The following SPRED1 variants were observed in gnomAD, a reference collection of about 807,000 sequenced individuals.
SPRED1 encodes sprouty related EVH1 domain containing 1.
A neutral mutation model predicts 52.3 loss-of-function variants in SPRED1; 18 were observed. The ratio of observed to expected loss-of-function variants is 0.34; its 90% CI spans 0.24 to 0.51. The LOEUF is 0.51. Ranked by LOEUF, SPRED1 falls within the 20% of genes least tolerant of loss-of-function variation. SPRED1 has a pLI of 0.97. For missense variants in SPRED1, 485 were observed against 551.0 expected (o/e 0.88, Z 1.20); for synonymous variants, 155 against 179.7 (o/e 0.86, Z 1.10).
chr15:38,253,435 T>C (rs1894025025), intron 1 of SPRED1, among the ~76,000 whole-genome samples: 2 of 152,016 alleles, frequency 1.3e-5, no homozygotes. Context: ...GGGGATTAAG[T>C]GTTGGGAGAG....
At chr15:38,270,492 G>A (rs946526298) in intron 1 of SPRED1, among the ~76,000 whole-genome samples, 9 of 152,208 alleles carry the variant, frequency 5.9e-5, no homozygotes, top group Admixed American at 2.0e-4. Context: ...CAGTTCTGTA[G>A]GCTATACAGG....
chr15:38,314,845 T>C (rs1024144880), intron 2 of SPRED1, among the ~76,000 whole-genome samples: 1 of 151,892 alleles, frequency 6.6e-6, no homozygotes, highest in African/African-American at 2.4e-5. Context: ...CTCTCCTCCT[T>C]TATTCCTTTT....
intron 1 of SPRED1, among the ~76,000 whole-genome samples, chr15:38,291,544 G>C (rs1894924353): frequency 6.6e-6 from 1 of 152,254 alleles, no homozygotes. Flanking sequence ...AAGCACTTTT[G>C]CCTGGGCATC....
chr15:38,351,909 C>A lies in SPRED1; in HGVS notation c.*245C>A. 1 of 577,106 alleles carries A rather than the reference C, an allele frequency of 1.7e-6. No homozygotes were observed. The highest frequency in any genetic ancestry group is 2.1e-5 in the South Asian group (1 of 47,748). The allele number at this position is 577,106 out of a possible 1,614,324, so 35.7% of individuals were successfully genotyped here. ...AAGGAAACCATTTCTGGTTATTTGG[C>A]TATAAAAAGTCAGCATAAAATATGA... is the stretch of plus-strand genomic sequence containing the variant. On this transcript the variant is annotated 3_prime_UTR_variant, in exon 7 of 7. Transcript: ENST00000299084.
At chr15:38,340,839 C>G (rs1016502729) in intron 5 of SPRED1, among the ~76,000 whole-genome samples, 5 of 152,070 alleles carry the variant, frequency 3.3e-5, no homozygotes, top group African/African-American at 1.2e-4. Flanking sequence ...CCCTTTCTTA[C>G]AATGTTTTTA....
chr15:38,273,553 A>G (rs1010561747), intron 1 of SPRED1, among the ~76,000 whole-genome samples: 4 of 82,476 alleles, frequency 4.8e-5, no homozygotes, highest in Admixed American at 1.3e-4. Context: ...ATATATATAT[A>G]TATATGAATA....
At chr15:38,321,948 C>T (rs891802265) in intron 2 of SPRED1, among the ~76,000 whole-genome samples, 3 of 152,060 alleles carry the variant, frequency 2.0e-5, no homozygotes, top group Non-Finnish European at 2.9e-5. Context: ...CTGCCTGTTT[C>T]CTGGAAGTAA....
chr15:38,337,488 A>G (rs1348312795), intron 4 of SPRED1, among the ~76,000 whole-genome samples: 3 of 152,186 alleles, frequency 2.0e-5, no homozygotes, highest in Non-Finnish European at 2.9e-5. Context: ...GATATGAACT[A>G]TTCCTAGTTA....
At chr15:38,321,721 G>A (rs1290029820) in intron 2 of SPRED1, among the ~76,000 whole-genome samples, 1 of 152,110 alleles carries the variant, frequency 6.6e-6, no homozygotes, top group Non-Finnish European at 1.5e-5. Context: ...AGCCTCCTGA[G>A]TAGCTGGGAT....
intron 4 of SPRED1, 23 bp downstream of exon 4, chr15:38,324,832 T>C: frequency 6.2e-7 from 1 of 1,600,562 alleles, no homozygotes; most frequent in Non-Finnish European, 8.6e-7. Flanking sequence ...TTGGAAGGAA[T>C]TTGTAAACAT....
chr15:38,264,892 G>C (rs921723540), intron 1 of SPRED1, among the ~76,000 whole-genome samples: 3 of 152,162 alleles, frequency 2.0e-5, no homozygotes, highest in African/African-American at 7.2e-5. Flanking sequence ...CTGAGAATTA[G>C]CAAGTAGAGG....
At chr15:38,283,475 T>C in intron 1 of SPRED1, 3 of 980,576 alleles carry the variant, frequency 3.1e-6, no homozygotes, top group Non-Finnish European at 2.4e-6. Flanking sequence ...TATTACAGAT[T>C]TTGTGATTTG....
chr15:38,292,024 T>G (rs138558080), intron 1 of SPRED1, among the ~76,000 whole-genome samples: 67 of 152,316 alleles, frequency 4.4e-4, no homozygotes, highest in Non-Finnish European at 7.2e-4. Context: ...TGTTTCCCTT[T>G]GAAAACAGCA....
At chr15:38,316,595 C>T (rs1289531777) in intron 2 of SPRED1, among the ~76,000 whole-genome samples, 1 of 151,868 alleles carries the variant, frequency 6.6e-6, no homozygotes, top group African/African-American at 2.4e-5. Context: ...CTAAAGCCGG[C>T]TCCAGCCAGT....
At chr15:38,312,460 A>G (rs1758084625) in intron 2 of SPRED1, among the ~76,000 whole-genome samples, 1 of 152,120 alleles carries the variant, frequency 6.6e-6, no homozygotes, top group South Asian at 2.1e-4. Context: ...GAGCCATATT[A>G]ATTCCTAATT....
chr15:38,334,195 T>A (rs1334239297), intron 4 of SPRED1, among the ~76,000 whole-genome samples: 1 of 152,098 alleles, frequency 6.6e-6, no homozygotes, highest in Non-Finnish European at 1.5e-5. Context: ...ATCAGTCAGT[T>A]CAAAAGCATC....
intron 1 of SPRED1, among the ~76,000 whole-genome samples, chr15:38,299,066 G>A (rs1895098135): frequency 6.6e-6 from 1 of 152,118 alleles, no homozygotes. Context: ...ATTTGCCTCT[G>A]GGATCCTTCA....
intron 4 of SPRED1, among the ~76,000 whole-genome samples, chr15:38,335,863 G>T (rs1027566491): frequency 4.0e-5 from 6 of 151,852 alleles, no homozygotes; most frequent in African/African-American, 9.7e-5. Flanking sequence ...GTCTCATTGA[G>T]TTACACCTCT....
At chr15:38,254,481 C>G (rs949593807) in intron 1 of SPRED1, among the ~76,000 whole-genome samples, 2 of 151,926 alleles carry the variant, frequency 1.3e-5, no homozygotes, top group African/African-American at 4.8e-5. Flanking sequence ...TGTGAATCGC[C>G]CTCATTTGCA....
Sources: allele counts gnomAD v4.1 joint callset (sites outside exome capture counted in the v4.1 genomes callset), GRCh38; gene constraint gnomAD v4.1.1; transcripts MANE v1.5; gene names NCBI Gene and HGNC (gene_info 2026-07-23, HGNC 2026-07-21).